PGM3: variants seen among roughly 807,000 people sequenced by gnomAD.
PGM3 encodes phosphoacetylglucosamine mutase.
PGM3 carries 40 observed loss-of-function variants against 66.2 expected under a neutral mutation model. The observed-to-expected ratio is 0.60, with a 90% CI of 0.47 to 0.79. The LOEUF (loss-of-function observed/expected upper bound fraction) is 0.79, where lower values mean the gene tolerates loss of function less well. Ranked by LOEUF, PGM3 falls within the 30% of genes least tolerant of loss-of-function variation. PGM3 has a pLI of 0.00. For missense variants in PGM3, 537 were observed against 643.4 expected, an observed-to-expected ratio of 0.83 and a Z score of 1.79; for synonymous variants, 191 against 224.2, an observed-to-expected ratio of 0.85 and a Z score of 1.32.
chr6:83,166,079 T>C lies in PGM3; in HGVS notation c.*3155A>G, dbSNP rs1785450494. ...ATCCACCTTTTGGCACACATCACAA[T>C]CCGATAGAGAAATGATTCATTATTG... On this transcript the variant is annotated 3_prime_UTR_variant, in exon 13 of 13. Coordinates refer to ENST00000513973, the MANE Select transcript of PGM3 (RefSeq NM_015599.3). The C allele has an allele frequency of 3.0e-6, 1 of 330,660 alleles. No homozygotes were observed. 20.5% of individuals were successfully genotyped at this position (330,660 alleles called of 1,614,324 possible). A position where few individuals can be genotyped will look rare whatever the true frequency, so the allele number is the denominator to read the frequency against.
chr6:83,178,801 C>G, intron 7 of PGM3, 45 bp from the exon 8 acceptor site: 1 of 1,103,628 alleles, frequency 9.1e-7, no homozygotes, highest in Non-Finnish European at 1.4e-6. Context: ...AAAGTATGGT[C>G]TACAAAAACA....
chr6:83,154,230 G>A, the PGM3 span: 1 of 1,613,592 alleles, frequency 6.2e-7, no homozygotes, highest in Non-Finnish European at 8.5e-7. Context: ...ACAACATTTA[G>A]AGATTTGATG....
chr6:83,170,522 T>C (rs1330261172), intron 11 of PGM3, 44 bp from the exon 12 acceptor site: 1 of 1,495,780 alleles, frequency 6.7e-7, no homozygotes, highest in African/African-American at 1.4e-5. Context: ...TACACTTCCT[T>C]TCAGAAGCTT....
At chr6:83,161,375 A>G (rs958041057), downstream of PGM3, 1 of 152,210 alleles carries the variant, frequency 6.6e-6, no homozygotes, top group Non-Finnish European at 1.5e-5. Flanking sequence ...TCTTAGCATG[A>G]TCCATATTTG....
At chr6:83,148,991 C>A in the PGM3 span, 4 of 515,526 alleles carry the variant, frequency 7.8e-6, no homozygotes, top group South Asian at 9.2e-5. Context: ...TCTTGAGATG[C>A]AAAACTAGAT....
chr6:83,157,992 AT>A (rs764449909), downstream of PGM3, among the ~76,000 whole-genome samples: 9 of 150,644 alleles, frequency 6.0e-5, no homozygotes, highest in Non-Finnish European at 1.0e-4. Context: ...TCTTTCTTTT[AT>A]TTTTCCTTTT....
intron 8 of PGM3, 44 bp downstream of exon 8, chr6:83,178,629 G>T: frequency 9.7e-7 from 1 of 1,031,990 alleles, no homozygotes; most frequent in Non-Finnish European, 1.5e-6. Context: ...ACAGAAACAT[G>T]ATCTTAATTA....
At chr6:83,150,203 G>C in the PGM3 span, among the ~76,000 whole-genome samples, 1 of 152,154 alleles carries the variant, frequency 6.6e-6, no homozygotes, top group Non-Finnish European at 1.5e-5. Context: ...GGGAGACTGT[G>C]TCTCTACAAA....
At chr6:83,162,734 T>C (rs73749723), downstream of PGM3, 1,278 of 1,545,194 alleles carry the variant, frequency 8.3e-4, 12 homozygotes, top group African/African-American at 0.016. Context: ...TGTGGCCTAA[T>C]CTTAGATGGC....
At chr6:83,151,153 G>A in the PGM3 span, among the ~76,000 whole-genome samples, 39 of 152,210 alleles carry the variant, frequency 2.6e-4, no homozygotes, top group Non-Finnish European at 3.4e-4. Context: ...TGAACATTCT[G>A]CAATTTGTTT....
downstream of PGM3, among the ~76,000 whole-genome samples, chr6:83,158,293 A>G (rs1378509055): frequency 1.3e-5 from 2 of 152,036 alleles, no homozygotes; most frequent in Non-Finnish European, 2.9e-5. Flanking sequence ...GAGCCACCAC[A>G]CCAGACCTAT....
chr6:83,158,606 G>A (rs1465786138), downstream of PGM3: 9 of 1,606,602 alleles, frequency 5.6e-6, no homozygotes, highest in Non-Finnish European at 7.7e-6. Flanking sequence ...ACTCACTGCT[G>A]ATGAAGATAT....
At chr6:83,158,475 T>C (rs374689876), downstream of PGM3, 42 of 970,034 alleles carry the variant, frequency 4.3e-5, no homozygotes, top group South Asian at 3.4e-4. Context: ...TTCTAAAATT[T>C]GTTTTTGCGT....
At chr6:83,176,422 T>C (rs947975093) in intron 8 of PGM3, among the ~76,000 whole-genome samples, 1 of 152,194 alleles carries the variant, frequency 6.6e-6, no homozygotes, top group Non-Finnish European at 1.5e-5. Context: ...CAGTAAATAT[T>C]TTAGGCTTTG....
At chr6:83,158,093 G>A (rs1290168900), downstream of PGM3, among the ~76,000 whole-genome samples, 1 of 151,970 alleles carries the variant, frequency 6.6e-6, no homozygotes, top group Admixed American at 6.6e-5. Context: ...CTGCCTCCCG[G>A]GTTCAGGCCA....
chr6:83,170,516 C>T, intron 11 of PGM3, 38 bp from the exon 12 acceptor site: 1 of 1,542,014 alleles, frequency 6.5e-7, no homozygotes, highest in South Asian at 1.1e-5. Context: ...CTCTATTACA[C>T]TTCCTTTCAG....
chr6:83,155,443 CAG>C, the PGM3 span, among the ~76,000 whole-genome samples: 1 of 152,066 alleles, frequency 6.6e-6, no homozygotes, highest in South Asian at 2.1e-4. Flanking sequence ...GACTGGGTGA[CAG>C]AGGAAGATAC....
At chr6:83,174,252 T>A in intron 10 of PGM3, 122 bp downstream of exon 10, 1 of 623,554 alleles carries the variant, frequency 1.6e-6, no homozygotes, top group South Asian at 2.0e-5. Flanking sequence ...ATACCACTAT[T>A]AGAAGGAAGC....
At chr6:83,175,797 TCA>T (rs1247664873) in intron 9 of PGM3, among the ~76,000 whole-genome samples, 163 bp downstream of exon 9, 2 of 152,210 alleles carry the variant, frequency 1.3e-5, no homozygotes, top group South Asian at 2.1e-4. Context: ...TAAAAGAGAA[TCA>T]CAGTTTCATA....
Sources: gnomAD v4.1 joint callset for allele counts (sites outside exome capture counted in the v4.1 genomes callset) on GRCh38, gnomAD v4.1.1 for gene constraint, MANE v1.5 for transcripts, NCBI Gene and HGNC (gene_info 2026-07-23, HGNC 2026-07-21) for gene names.